Variants in LHFPL3 observed in about 807,000 individuals in gnomAD.
LHFPL3 encodes LHFPL tetraspan subfamily member 3.
LHFPL3 carries 5 observed loss-of-function variants against 19.3 expected under a neutral mutation model. The observed-to-expected ratio is 0.26, with a 90% CI of 0.14 to 0.54. LHFPL3 has a LOEUF of 0.54. Among genes scored for constraint, LHFPL3 ranks in the 20% least tolerant of loss-of-function variants. The pLI, the probability that LHFPL3 is intolerant of heterozygous loss-of-function variation, is 0.94. For synonymous variants in LHFPL3, 133 were observed against 126.2 expected (o/e 1.05, Z -0.36); for missense variants, 249 against 307.4 (o/e 0.81, Z 1.42).
chr7:104,687,223 T>C (rs143221101), intron 1 of LHFPL3, among the ~76,000 whole-genome samples: 17 of 152,350 alleles, frequency 1.1e-4, no homozygotes, highest in African/African-American at 3.8e-4. Context: ...TTATAAAAGA[T>C]GCAGATGAAT....
At chr7:104,619,611 A>C (rs1016745939) in intron 1 of LHFPL3, among the ~76,000 whole-genome samples, 5 of 152,180 alleles carry the variant, frequency 3.3e-5, no homozygotes, top group African/African-American at 1.2e-4. Context: ...TTCTCAAATA[A>C]ATTAAATATA....
At chr7:104,655,711 G>T (rs1584463671) in intron 1 of LHFPL3, among the ~76,000 whole-genome samples, 1 of 152,192 alleles carries the variant, frequency 6.6e-6, no homozygotes, top group African/African-American at 2.4e-5. Context: ...TTTAACTTAT[G>T]CTGCATTATA....
intron 1 of LHFPL3, among the ~76,000 whole-genome samples, chr7:104,682,696 T>C (rs1357023137): frequency 1.3e-5 from 2 of 152,202 alleles, no homozygotes; most frequent in Non-Finnish European, 2.9e-5. Context: ...CCTGCTCTAA[T>C]GTGTATTTGC....
intron 1 of LHFPL3, among the ~76,000 whole-genome samples, chr7:104,660,809 T>C (rs1792212156): frequency 6.6e-6 from 1 of 152,238 alleles, no homozygotes; most frequent in Admixed American, 6.5e-5. Flanking sequence ...TTTTGCATAA[T>C]ACACAGAAGT....
chr7:104,749,676 T>C (rs1256997944), intron 2 of LHFPL3, among the ~76,000 whole-genome samples: 1 of 152,296 alleles, frequency 6.6e-6, no homozygotes, highest in Non-Finnish European at 1.5e-5. Flanking sequence ...TTGCCTGATT[T>C]CTTCTGAATT....
chr7:104,631,075 G>C (rs376483927), intron 1 of LHFPL3, among the ~76,000 whole-genome samples: 1 of 152,106 alleles, frequency 6.6e-6, no homozygotes, highest in African/African-American at 2.4e-5. Flanking sequence ...TTCACAAGAA[G>C]GTGTCTGATC....
At chr7:104,428,052 CA>C (rs1311615185) in intron 1 of LHFPL3, among the ~76,000 whole-genome samples, 5 of 152,174 alleles carry the variant, frequency 3.3e-5, no homozygotes, top group Non-Finnish European at 7.3e-5. Context: ...CACAGTGCAT[CA>C]GGGGGGTAAT....
At chr7:104,772,257 A>G (rs1794566546) in intron 2 of LHFPL3, among the ~76,000 whole-genome samples, 1 of 152,146 alleles carries the variant, frequency 6.6e-6, no homozygotes, top group South Asian at 2.1e-4. Flanking sequence ...AAATTTCGTT[A>G]CCTCCATTTG....
At chr7:104,752,283 C>T (rs993264370) in intron 2 of LHFPL3, among the ~76,000 whole-genome samples, 2 of 152,146 alleles carry the variant, frequency 1.3e-5, no homozygotes, top group Admixed American at 6.6e-5. Flanking sequence ...GCTACATATT[C>T]GCAATGTAAA....
chr7:104,905,455 C>T (rs1035870557), intron 2 of LHFPL3, among the ~76,000 whole-genome samples: 2 of 152,026 alleles, frequency 1.3e-5, no homozygotes, highest in African/African-American at 2.4e-5. Context: ...GGCACAGTAG[C>T]GCACACCTGT....
chr7:104,611,683 A>G (rs1425723234), intron 1 of LHFPL3, among the ~76,000 whole-genome samples: 1 of 152,200 alleles, frequency 6.6e-6, no homozygotes, highest in Non-Finnish European at 1.5e-5. Context: ...ATATAGAAGA[A>G]AAAAAGAAAC....
chr7:104,396,438 G>A (rs988037737), intron 1 of LHFPL3, among the ~76,000 whole-genome samples: 2 of 152,046 alleles, frequency 1.3e-5, no homozygotes, highest in Non-Finnish European at 2.9e-5. Flanking sequence ...ATAAGAGGCT[G>A]ACTAACCAAC....
chr7:104,466,044 T>C (rs538248182), intron 1 of LHFPL3, among the ~76,000 whole-genome samples: 1 of 152,320 alleles, frequency 6.6e-6, no homozygotes, highest in South Asian at 2.1e-4. Context: ...TATTATGTTG[T>C]TTTTGGGTGG....
intron 1 of LHFPL3, among the ~76,000 whole-genome samples, chr7:104,673,164 T>G (rs897148381): frequency 3.9e-5 from 6 of 152,218 alleles, no homozygotes; most frequent in African/African-American, 1.4e-4. Flanking sequence ...TTGGAATGAC[T>G]TGAAATCCAA....
intron 1 of LHFPL3, among the ~76,000 whole-genome samples, chr7:104,480,564 A>G (rs138127409): frequency 2.0e-5 from 3 of 152,302 alleles, no homozygotes; most frequent in Admixed American, 6.5e-5. Context: ...AACATTAGTT[A>G]TTTATTCAGG....
intron 2 of LHFPL3, among the ~76,000 whole-genome samples, chr7:104,808,300 C>T (rs1248185136): frequency 6.6e-6 from 1 of 152,200 alleles, no homozygotes; most frequent in African/African-American, 2.4e-5. Context: ...AACCCACCAA[C>T]CCCACTTCCA....
intron 2 of LHFPL3, among the ~76,000 whole-genome samples, chr7:104,754,684 A>G (rs992381668): frequency 3.3e-5 from 5 of 152,250 alleles, no homozygotes; most frequent in African/African-American, 1.2e-4. Flanking sequence ...CCCTGGCCTC[A>G]TGATGCAGAT....
intron 2 of LHFPL3, among the ~76,000 whole-genome samples, chr7:104,779,733 C>T (rs940159076): frequency 2.6e-5 from 4 of 152,174 alleles, no homozygotes; most frequent in African/African-American, 9.7e-5. Flanking sequence ...CACTGATATG[C>T]GCTGGCCACT....
rs1791454618 is a variant in LHFPL3 at position 104,408,074 on chromosome 7, T to G, written c.445+78850T>G. Among the ~76,000 whole-genome samples, 2 of 152,166 alleles carry G rather than the reference T, an allele frequency of 1.3e-5. 1 individual carries two copies. Among genetic ancestry groups the G allele is most frequent in the South Asian group, 4.1e-4 (2 of 4,824 alleles). On this transcript the variant is annotated intron_variant, in intron 1 of 2. Coordinates refer to ENST00000424859, the MANE Select transcript of LHFPL3 (RefSeq NM_199000.3). Reference sequence around the variant, plus strand: ...GGAAACCCAGAAAGAAATTCCCTGCTTCACACTATTTATTGGACTATCTGC... The same window carrying G: ...GGAAACCCAGAAAGAAATTCCCTGCGTCACACTATTTATTGGACTATCTGC...
Sources: gnomAD v4.1 joint callset for allele counts (sites outside exome capture counted in the v4.1 genomes callset) on GRCh38, gnomAD v4.1.1 for gene constraint, MANE v1.5 for transcripts, NCBI Gene and HGNC (gene_info 2026-07-23, HGNC 2026-07-21) for gene names.